SLC49A3: variants seen among roughly 807,000 people sequenced by gnomAD.
The protein encoded by SLC49A3 is solute carrier family 49 member A3.
Under a neutral mutation model 43.8 loss-of-function variants are expected in SLC49A3, and 50 were observed. That is an observed-to-expected ratio of 1.14 (90% confidence interval 0.91 to 1.45). The LOEUF is 1.45. Among genes scored for constraint, SLC49A3 ranks in the 40% most tolerant of loss-of-function variants. The pLI is 0.00. For synonymous variants in SLC49A3, 413 were observed against 352.0 expected, an observed-to-expected ratio of 1.17 and a Z score of -1.94; for missense variants, 906 against 774.1, an observed-to-expected ratio of 1.17 and a Z score of -2.02.
chr4:688,915 T>C, intron 1 of SLC49A3, 78 bp downstream of exon 1: 2 of 1,505,814 alleles, frequency 1.3e-6, no homozygotes, highest in South Asian at 1.2e-5. Context: ...CCTCGGGCTG[T>C]GGCCACAGGA....
downstream of SLC49A3, chr4:678,153 GTGCTC>G: frequency 2.6e-6 from 4 of 1,548,212 alleles, no homozygotes; most frequent in East Asian, 2.4e-5. Context: ...GTGTGGGCGT[GTGCTC>G]TGCCTGCATA....
At position 684,724 on chromosome 4, in the gene SLC49A3, T is replaced by C. The variant is rs1740632805; in HGVS notation, c.718A>G (p.Lys240Glu). ...GGGGATCCCACGGCACTGACCAGCT[T>C]GAGCCCATCCAGGAACTTCTCTGAG... The part of the protein sequence containing the change: ...STSEKFLDGL[K>E]LLMWNKAYVI... The change falls in exon 5 of 10, where the codon AAG (lysine) becomes GAG (glutamate). Residue 240 changes from lysine (K) to glutamate (E), a missense_variant. Physicochemically the swap from Lys to Glu is moderately conservative, Grantham distance 56. Transcript: ENST00000322224. 1.9e-6 allele frequency: 3 copies of C among 1,611,032 alleles called. No homozygotes were observed. The African/African-American group carries it at 4.0e-5, about 22-fold the overall frequency.
Position 682,298 on chromosome 4 carries a change from C to T in SLC49A3, c.1340G>A (p.Arg447His), listed in dbSNP as rs1034730878. The T allele has an allele frequency of 5.2e-6, 7 of 1,349,772 alleles. No homozygotes were observed. The African/African-American group carries it at 9.0e-5, about 17-fold the overall frequency. The allele number at this position is 1,349,772 out of a possible 1,614,324, so 83.6% of individuals were successfully genotyped here. A position where few individuals can be genotyped will look rare whatever the true frequency, so the allele number is the denominator to read the frequency against. Residue 447 changes from arginine to histidine, a missense_variant, in exon 10 of 10, where the codon CGC becomes CAC. Physicochemically the swap from Arg to His is conservative, Grantham distance 29 (BLOSUM62 0). Coordinates refer to ENST00000322224, the MANE Select transcript of SLC49A3 (RefSeq NM_032219.4). ...LAVFFHTPYRRLQAESGEPPS... is the reference protein window; with the variant it reads ...LAVFFHTPYRHLQAESGEPPS... ...GGGCTCCCCAGACTCGGCCTGCAGG[C>T]GCCGGTATGGGGTGTGGAAGAAGAC...
At chr4:678,344 C>T (rs559930750), downstream of SLC49A3, 63 of 1,416,456 alleles carry the variant, frequency 4.4e-5, no homozygotes, top group African/African-American at 7.9e-4. Flanking sequence ...CCAGAGTCCA[C>T]TTGCCCCTCA....
downstream of SLC49A3, chr4:678,884 GAGGAACCGGGAGC>G: frequency 6.2e-7 from 1 of 1,609,638 alleles, no homozygotes; most frequent in Non-Finnish European, 8.5e-7. Context: ...CAGGGGTGCT[GAGGAACCGGGAGC>G]AGGGGGCGGG....
chr4:678,111 G>C, downstream of SLC49A3: 1 of 1,588,090 alleles, frequency 6.3e-7, no homozygotes, highest in African/African-American at 1.3e-5. Context: ...ACAGACGAGC[G>C]TGGGCGTGTC....
In SLC49A3 at chr4:685,987, G is replaced by A. The variant is rs541396801; in HGVS notation, c.509-76C>T. 4.7e-5 allele frequency: 76 copies of A among 1,608,672 alleles called. No individual in the cohort carries two copies. The South Asian group carries it at 5.7e-4, about 12-fold the overall frequency. On this transcript the variant is annotated intron_variant, in intron 3 of 9. Transcript: ENST00000322224. This position sits in a 1 kb window ranked among gnomAD's most constrained non-coding sequence, Gnocchi z 4.3. ...CGCCAGCCCACAGGCAGAACCTTCC[G>A]GGCCCCAGCTCCTCCACCCTGGCCA...
In SLC49A3 at chr4:689,084, CG is replaced by C; in HGVS notation, c.43del (p.Arg15GlyfsTer91). The C allele has an allele frequency of 6.5e-7, 1 of 1,538,046 alleles. No homozygotes were observed. The highest frequency in any genetic ancestry group is 2.0e-5 in the Admixed American group (1 of 50,228). On this transcript the variant is annotated frameshift_variant, in exon 1 of 10. Transcript: ENST00000322224. LOFTEE classifies it high-confidence loss of function. ...GTGGCCCCGCTGCGCGCACAGGGCCCGGGGCTCGGCCAACCCCGTCTCGGCC... is the reference window on the plus strand; with the variant it reads ...GTGGCCCCGCTGCGCGCACAGGGCCCGGGCTCGGCCAACCCCGTCTCGGCC... The part of the protein sequence containing the change: ...TEAETGLAEP[R>X]ALCAQRGHRT...
At chr4:688,618 C>T (rs958514628) in intron 1 of SLC49A3, among the ~76,000 whole-genome samples, 17 of 152,160 alleles carry the variant, frequency 1.1e-4, no homozygotes, top group African/African-American at 4.1e-4. Flanking sequence ...GAGGGCGGCT[C>T]CAAGCGCGCC....
chr4:681,836 G>A lies in SLC49A3; in HGVS notation c.*122C>T, dbSNP rs76573953. The A allele has an allele frequency of 0.017, 21,613 of 1,287,604 alleles. 1,249 individuals carry two copies. In the East Asian group the frequency reaches 0.25, roughly 15 times the overall value. The allele number at this position is 1,287,604 out of a possible 1,614,324, so 79.8% of individuals were successfully genotyped here. A position where few individuals can be genotyped will look rare whatever the true frequency, so the allele number is the denominator to read the frequency against. On this transcript the variant is annotated 3_prime_UTR_variant, in exon 10 of 10. Coordinates refer to ENST00000322224, the MANE Select transcript of SLC49A3 (RefSeq NM_032219.4). ...AACCACACCCGGGGCCGCTGCAGGT[G>A]CGCGCTTGTAATTCGCTCCCGGAGC...
chr4:688,526 G>C (rs1741490812), intron 1 of SLC49A3, among the ~76,000 whole-genome samples: 1 of 152,318 alleles, frequency 6.6e-6, no homozygotes, highest in African/African-American at 2.4e-5. Context: ...AGGCTGCAGC[G>C]TGCAACACCT....
rs755609922 is a variant in SLC49A3 at position 682,357 on chromosome 4, G to A, written c.1281C>T (p.Ala427=). Reference sequence around the variant, plus strand: ...TGCAGCTGAAGAAGGTGCACAGGCCGGCCATCAGCAGCAGAGACACTGGGG... The same window carrying A: ...TGCAGCTGAAGAAGGTGCACAGGCCAGCCATCAGCAGCAGAGACACTGGGG... The part of the protein sequence containing the change: ...LDWTVSLLLM[A]GLCTFFSCIL... The change falls in exon 10 of 10, where the codon GCC becomes GCT. Residue 427 remains alanine (A), a synonymous_variant. Coordinates refer to ENST00000322224, the MANE Select transcript of SLC49A3 (RefSeq NM_032219.4). The A allele has an allele frequency of 1.0e-5, 14 of 1,340,332 alleles. No homozygotes were observed. The Admixed American group carries it at 1.2e-4, about 12-fold the overall frequency. 83.0% of individuals were successfully genotyped at this position (1,340,332 alleles called of 1,614,324 possible).
chr4:688,941 G>T, intron 1 of SLC49A3, 52 bp downstream of exon 1: 2 of 1,556,406 alleles, frequency 1.3e-6, no homozygotes, highest in East Asian at 2.6e-5. Context: ...AAACCCGGCT[G>T]GTCCGAGGGA....
chr4:683,470 C>A (rs1350991181), intron 7 of SLC49A3, 103 bp from the exon 8 acceptor site: 2 of 1,505,920 alleles, frequency 1.3e-6, no homozygotes, highest in African/African-American at 1.4e-5. Context: ...ACCCATCCCA[C>A]CCCGGGGCCA....
chr4:680,686 C>T (rs929657705), downstream of SLC49A3: 3 of 1,227,332 alleles, frequency 2.4e-6, no homozygotes, highest in African/African-American at 3.0e-5. Flanking sequence ...GCCACGCCCA[C>T]CTCCCCACCT....
chr4:681,771 G>T (rs1358162458), downstream of SLC49A3: 4 of 1,144,214 alleles, frequency 3.5e-6, no homozygotes, highest in Non-Finnish European at 4.3e-6. Context: ...CCCTCACCCC[G>T]CACCCGGGCC....
At chr4:683,071 C>T (rs935220185) in intron 8 of SLC49A3, 139 bp downstream of exon 8, 82 of 1,248,674 alleles carry the variant, frequency 6.6e-5, no homozygotes, top group Middle Eastern at 4.1e-4. Flanking sequence ...TGCTCAGAAC[C>T]TGCTCGGCCC....
downstream of SLC49A3, chr4:679,938 A>T: frequency 6.2e-7 from 1 of 1,613,748 alleles, no homozygotes; most frequent in Non-Finnish European, 8.5e-7. Context: ...AAGGACGACG[A>T]GCTGGACGCC....
Position 686,630 on chromosome 4 carries a change from C to T in SLC49A3, c.196G>A (p.Glu66Lys). The change falls in exon 2 of 10, where the codon GAG becomes AAG. Residue 66 changes from glutamate to lysine, a missense_variant. Transcript: ENST00000322224. ...ACCAGTGACAGCCAGTTGATCTGCT[C>T]CATGGACAGGACCAAGTCCTCAGCA... ...VIAEDLVLSM[E>K]QINWLSLVYL... 6.2e-7 allele frequency: 1 copy of T among 1,613,360 alleles called. No individual in the cohort carries two copies. The highest frequency in any genetic ancestry group is 8.5e-7 in the Non-Finnish European group (1 of 1,179,948).
Sources: gnomAD v4.1 joint callset for allele counts (sites outside exome capture counted in the v4.1 genomes callset) on GRCh38, gnomAD v4.1.1 for gene constraint, Gnocchi (gnomAD v3.1) non-coding constraint, MANE v1.5 for transcripts, NCBI Gene and HGNC (gene_info 2026-07-23, HGNC 2026-07-21) for gene names.